The following NICOL1 variants were observed in gnomAD, a reference collection of about 807,000 sequenced individuals.
NICOL1 encodes NELL2-interacting cell ontogeny regulator 1.
chr4:2,041,276 C>T, the NICOL1 span, among the ~76,000 whole-genome samples: 3 of 152,094 alleles, frequency 2.0e-5, no homozygotes, highest in African/African-American at 7.2e-5. Flanking sequence ...CCAGGGCGTC[C>T]GGGGCCCAGA....
the NICOL1 span, among the ~76,000 whole-genome samples, chr4:2,041,150 T>TGGGGG: frequency 6.1e-3 from 393 of 64,792 alleles, 1 homozygote; most frequent in South Asian, 7.7e-3. Flanking sequence ...CTGGGTGGGG[T>TGGGGG]GGGGGGGGAG....
the NICOL1 span, chr4:2,042,161 G>T: frequency 2.8e-6 from 4 of 1,453,478 alleles, no homozygotes; most frequent in Non-Finnish European, 9.0e-7. Flanking sequence ...GCGGACTGGA[G>T]TCGGGGAACC....
At chr4:2,041,946 A>G in the NICOL1 span, 1 of 1,450,176 alleles carries the variant, frequency 6.9e-7, no homozygotes. Flanking sequence ...TCGGGTTTCC[A>G]TGACGACGAC....
the NICOL1 span, among the ~76,000 whole-genome samples, chr4:2,037,040 T>C: frequency 6.6e-6 from 1 of 152,104 alleles, no homozygotes; most frequent in Admixed American, 6.6e-5. Flanking sequence ...GGAGGCCGAC[T>C]TCCCCTTTGC....
At chr4:2,040,575 T>C in the NICOL1 span, among the ~76,000 whole-genome samples, 1 of 152,156 alleles carries the variant, frequency 6.6e-6, no homozygotes, top group South Asian at 2.1e-4. Flanking sequence ...CCCGCCCCAC[T>C]GGGGGACCGC....
At chr4:2,039,449 G>A in the NICOL1 span, among the ~76,000 whole-genome samples, 1 of 152,036 alleles carries the variant, frequency 6.6e-6, no homozygotes, top group South Asian at 2.1e-4. Flanking sequence ...ATTACAGAGA[G>A]ACCTGTCTCT....
At chr4:2,036,904 C>A in the NICOL1 span, among the ~76,000 whole-genome samples, 1 of 151,988 alleles carries the variant, frequency 6.6e-6, no homozygotes, top group Non-Finnish European at 1.5e-5. Context: ...GTGTCCTCCA[C>A]AGGGGAGGCA....
chr4:2,042,615 TG>T, the NICOL1 span: 3 of 541,236 alleles, frequency 5.5e-6, no homozygotes, highest in Non-Finnish European at 9.4e-6. Context: ...TCGCGGGAGA[TG>T]GTGGCTTGGG....
At chr4:2,040,033 G>T in the NICOL1 span, among the ~76,000 whole-genome samples, 1 of 151,356 alleles carries the variant, frequency 6.6e-6, no homozygotes, top group Non-Finnish European at 1.5e-5. Flanking sequence ...GAACCAGCAA[G>T]TATGACAGAG....
the NICOL1 span, chr4:2,043,784 G>A: frequency 3.1e-6 from 4 of 1,278,498 alleles, no homozygotes; most frequent in South Asian, 2.7e-5. Context: ...AGATAGGGCT[G>A]CCTTGGGTGG....
chr4:2,042,952 C>G, the NICOL1 span: 1 of 596,920 alleles, frequency 1.7e-6, no homozygotes. Context: ...AGATGCCGCA[C>G]CTTGCCCCCT....
At chr4:2,041,001 G>C in the NICOL1 span, among the ~76,000 whole-genome samples, 3 of 152,252 alleles carry the variant, frequency 2.0e-5, no homozygotes, top group East Asian at 5.8e-4. Context: ...GGCTAGGCTG[G>C]GGAGGGGGGC....
At chr4:2,041,557 G>A in the NICOL1 span, among the ~76,000 whole-genome samples, 7 of 152,196 alleles carry the variant, frequency 4.6e-5, no homozygotes, top group African/African-American at 1.7e-4. Flanking sequence ...AAAGCCGGGC[G>A]AGGGCGGATC....
chr4:2,042,709 C>G, the NICOL1 span: 3 of 1,452,688 alleles, frequency 2.1e-6, no homozygotes, highest in Non-Finnish European at 2.8e-6. Flanking sequence ...CCTGCGCCCC[C>G]TCCACCCTGA....
the NICOL1 span, among the ~76,000 whole-genome samples, chr4:2,037,602 ACTT>A: frequency 6.6e-5 from 10 of 152,318 alleles, no homozygotes; most frequent in South Asian, 4.1e-4. Flanking sequence ...AAATAACTTG[ACTT>A]CTTCTAATAT....
chr4:2,043,863 G>A, the NICOL1 span: 7 of 1,549,422 alleles, frequency 4.5e-6, no homozygotes, highest in Admixed American at 2.0e-5. Flanking sequence ...CTTTGCAGAC[G>A]GAGACCCTAC....
At chr4:2,042,541 C>T in the NICOL1 span, 1 of 439,972 alleles carries the variant, frequency 2.3e-6, no homozygotes, top group Non-Finnish European at 4.0e-6. Flanking sequence ...CAGGGGCGTG[C>T]GGGGCCGGGG....
At chr4:2,038,237 G>GTATATATATATATA in the NICOL1 span, among the ~76,000 whole-genome samples, 8 of 91,452 alleles carry the variant, frequency 8.7e-5, no homozygotes, top group Non-Finnish European at 1.6e-4. Context: ...TGATCAGTGT[G>GTATATATATATATA]TATATATATA....
chr4:2,043,943 T>C, the NICOL1 span: 2 of 1,535,592 alleles, frequency 1.3e-6, no homozygotes, highest in African/African-American at 2.8e-5. Flanking sequence ...CGCTGCTCCG[T>C]GTGAATAAAT....
Sources: gnomAD v4.1 joint callset for allele counts (sites outside exome capture counted in the v4.1 genomes callset) on GRCh38, gnomAD v4.1.1 for gene constraint, MANE v1.5 for transcripts, NCBI Gene and HGNC (gene_info 2026-07-23, HGNC 2026-07-21) for gene names.